Variants in TIAM2 observed in about 807,000 individuals in gnomAD.
TIAM2 encodes the protein TIAM Rac1 associated GEF 2, also known as rho guanine nucleotide exchange factor TIAM2.
Under a neutral mutation model 152.9 loss-of-function variants are expected in TIAM2, and 80 were observed. That is an observed-to-expected ratio of 0.52 (90% CI 0.44 to 0.63). The LOEUF (loss-of-function observed/expected upper bound fraction) is 0.63. Among genes scored for constraint, TIAM2 ranks in the 30% least tolerant of loss-of-function variants. The pLI is 0.00. For synonymous variants in TIAM2, 804 were observed against 838.0 expected, an observed-to-expected ratio of 0.96 and a Z score of 0.70; for missense variants, 1,965 against 2,120.1, an observed-to-expected ratio of 0.93 and a Z score of 1.44.
intron 1 of TIAM2, among the ~76,000 whole-genome samples, chr6:155,066,222 TGG>T: frequency 2.5e-5 from 1 of 40,492 alleles, no homozygotes; most frequent in Non-Finnish European, 6.3e-5. Flanking sequence ...CCACCGTGCC[TGG>T]CCCAGACATT....
At chr6:155,095,271 A>G (rs1469575466) in intron 2 of TIAM2, among the ~76,000 whole-genome samples, 1 of 152,176 alleles carries the variant, frequency 6.6e-6, no homozygotes, top group African/African-American at 2.4e-5. Flanking sequence ...TTGAAGTTTT[A>G]GGACTCTGTT....
rs73002978 is a variant in TIAM2 at position 155,085,750 on chromosome 6, C to A, written c.-208-4539C>A. On this transcript the variant is annotated intron_variant, in intron 1 of 26. Transcript: ENST00000682666. ...ACACTGATGTCATGGTGCAAACAGG[C>A]AGCTCCAAGGCTGCGGGACTGGCTG... 3.3e-3 allele frequency among the ~76,000 whole-genome samples: 500 copies of A among 152,328 alleles called. 3 individuals carry two copies. Among genetic ancestry groups the A allele is most frequent in the Non-Finnish European group, 5.3e-3 (362 of 68,032 alleles).
chr6:155,025,727 T>G (rs943781333), intron 1 of TIAM2, among the ~76,000 whole-genome samples: 1 of 151,918 alleles, frequency 6.6e-6, no homozygotes, highest in Non-Finnish European at 1.5e-5. Flanking sequence ...ACGGCTGAGG[T>G]TTGGGTAGTA....
At chr6:155,095,057 C>T (rs1483344935) in intron 2 of TIAM2, among the ~76,000 whole-genome samples, 3 of 152,118 alleles carry the variant, frequency 2.0e-5, no homozygotes, top group Non-Finnish European at 4.4e-5. Flanking sequence ...CTAACATCCA[C>T]TGTGGCCTCC....
In TIAM2 at chr6:155,129,401, C is replaced by G; in HGVS notation, c.178C>G (p.Leu60Val). ...CGGAGCAGGTTACAAGTCCAGGTCC[C>G]TGGCCCGAAGCTGCCTTTCTCACTT... The part of the protein sequence containing the change: ...SNGAGYKSRS[L>V]ARSCLSHFKS... The change falls in exon 4 of 27, where the codon CTG (leucine) becomes GTG (valine). Residue 60 changes from leucine to valine, a missense_variant. By Grantham distance (32) the Leu-to-Val change is conservative (BLOSUM62 1). Around this residue, in one of 3 missense-constraint regions of TIAM2, gnomAD observed 1,025 missense variants for 1,119.4 expected, o/e 0.92. Transcript: ENST00000682666. The surrounding 1 kb of genome is among the most constrained non-coding windows in gnomAD (Gnocchi z 4.8). 1 of 1,614,116 alleles carries G rather than the reference C, an allele frequency of 6.2e-7. No homozygotes were observed. The highest frequency in any genetic ancestry group is 8.5e-7 in the Non-Finnish European group (1 of 1,180,010).
intron 2 of TIAM2, among the ~76,000 whole-genome samples, chr6:155,127,138 C>T (rs183264179): frequency 2.0e-5 from 3 of 152,336 alleles, no homozygotes; most frequent in Non-Finnish European, 4.4e-5. Flanking sequence ...GGCCACCTCT[C>T]GTCACACAGC....
At chr6:155,157,491 G>A (rs1047962883) in intron 7 of TIAM2, among the ~76,000 whole-genome samples, 73 of 149,876 alleles carry the variant, frequency 4.9e-4, no homozygotes, top group African/African-American at 1.8e-3. Context: ...TTAAAAAATA[G>A]AGACGAGGTC....
intron 1 of TIAM2, among the ~76,000 whole-genome samples, chr6:155,053,700 A>C (rs1583169590): frequency 6.6e-6 from 1 of 151,952 alleles, no homozygotes; most frequent in Admixed American, 6.6e-5. Context: ...CGAACTCCTG[A>C]CCTCAAGTGA....
chr6:155,181,472 A>G (rs1780901381), intron 12 of TIAM2, among the ~76,000 whole-genome samples: 1 of 152,214 alleles, frequency 6.6e-6, no homozygotes, highest in Non-Finnish European at 1.5e-5. Context: ...TTGTGGTAAT[A>G]GACATATAAC....
At chr6:155,047,715 GAGAGAGAGAGC>G (rs1777224935) in intron 1 of TIAM2, among the ~76,000 whole-genome samples, 1 of 140,616 alleles carries the variant, frequency 7.1e-6, no homozygotes. Flanking sequence ...GCGAGAGAGA[GAGAGAGAGAGC>G]GAGAGAGAGA....
chr6:155,224,952 T>C (rs1405739729), intron 15 of TIAM2, among the ~76,000 whole-genome samples: 2 of 152,150 alleles, frequency 1.3e-5, no homozygotes, highest in Non-Finnish European at 2.9e-5. Flanking sequence ...GGATTTTCTA[T>C]TTATTTGTTT....
Position 155,254,045 on chromosome 6 carries a change from T to G in TIAM2, c.4298T>G (p.Phe1433Cys). ...ATAGAAGGACGGCCAGAAACCATCT[T>G]TCAGTTGTGTTGCAGGTATGACTGA... ...SEIEGRPETI[F>C]QLCCSDSESK... The change falls in exon 25 of 27, where the codon TTT becomes TGT. Residue 1433 changes from phenylalanine (F) to cysteine (C), a missense_variant. Around this residue, in one of 3 missense-constraint regions of TIAM2, gnomAD observed 935 missense variants for 980.0 expected, o/e 0.95. Coordinates refer to ENST00000682666, the MANE Select transcript of TIAM2 (RefSeq NM_012454.4). 6.2e-7 allele frequency: 1 copy of G among 1,614,104 alleles called. No homozygotes were observed.
chr6:155,195,760 G>A (rs1781328301), intron 14 of TIAM2, among the ~76,000 whole-genome samples: 1 of 152,226 alleles, frequency 6.6e-6, no homozygotes, highest in Non-Finnish European at 1.5e-5. Flanking sequence ...TAGGAGCACA[G>A]GCTTGTGGGA....
rs758068877 is a variant in TIAM2 at position 155,129,915 on chromosome 6, C to T, written c.692C>T (p.Thr231Met). 1.4e-5 allele frequency: 23 copies of T among 1,613,840 alleles called. No homozygotes were observed. The highest frequency in any genetic ancestry group is 1.3e-5 in the Non-Finnish European group (15 of 1,180,040). Residue 231 changes from threonine to methionine, a missense_variant, in exon 4 of 27, where the codon ACG becomes ATG. Physicochemically the swap from Thr to Met is moderately conservative, Grantham distance 81. This residue lies in a region of TIAM2 where 1,025 missense variants were observed against 1,119.4 expected (regional missense o/e 0.92). Coordinates refer to ENST00000682666, the MANE Select transcript of TIAM2 (RefSeq NM_012454.4). This position sits in a 1 kb window ranked among gnomAD's most constrained non-coding sequence, Gnocchi z 4.8. Reference sequence around the variant, plus strand: ...CTGCCCAGCCATCGCCCCTCTCCCACGGACTCTCGCCTGCGGTCCAGCAAA... The same window carrying T: ...CTGCCCAGCCATCGCCCCTCTCCCATGGACTCTCGCCTGCGGTCCAGCAAA... Reference protein sequence around the residue: ...DSLPSHRPSPTDSRLRSSKGS... With the variant: ...DSLPSHRPSPMDSRLRSSKGS...
At position 155,080,042 on chromosome 6, in the gene TIAM2, T is replaced by C. The variant is rs147571349; in HGVS notation, c.-208-10247T>C. Among the ~76,000 whole-genome samples the C allele has an allele frequency of 1.4e-4, 22 of 152,312 alleles. No individual in the cohort carries two copies. The East Asian group carries it at 4.1e-3, about 28-fold the overall frequency. On this transcript the variant is annotated intron_variant, in intron 1 of 26. Transcript: ENST00000682666. ...GATGGTAAAATGAAACAGGAACAGC[T>C]CTCTGACCCCTGGAAACTCTCATGT... is the stretch of plus-strand genomic sequence containing the variant.
chr6:155,167,324 C>A (rs1780469136), intron 9 of TIAM2, among the ~76,000 whole-genome samples: 1 of 152,086 alleles, frequency 6.6e-6, no homozygotes, highest in East Asian at 1.9e-4. Context: ...TGGGTTCAAG[C>A]AATTCTCGTG....
chr6:155,161,639 C>G (rs1780273976), intron 7 of TIAM2, among the ~76,000 whole-genome samples: 1 of 151,040 alleles, frequency 6.6e-6, no homozygotes, highest in Admixed American at 6.6e-5. Context: ...GCGATCTCAG[C>G]TCACTGCAGC....
chr6:155,250,396 G>T, intron 21 of TIAM2: 2 of 516,246 alleles, frequency 3.9e-6, no homozygotes, highest in Non-Finnish European at 6.3e-6. Flanking sequence ...CTTTTTATCT[G>T]ATTGCTTAAT....
At chr6:155,243,846 C>CAAAAAAAAAAAAAAAAA (rs59365890) in intron 16 of TIAM2, among the ~76,000 whole-genome samples, 165 bp from the exon 17 acceptor site, 5 of 55,050 alleles carry the variant, frequency 9.1e-5, no homozygotes, top group African/African-American at 4.0e-4. Flanking sequence ...GACTCCGTCT[C>CAAAAAAAAAAAAAAAAA]AAAAAAAAAA....
Sources: allele counts gnomAD v4.1 joint callset (sites outside exome capture counted in the v4.1 genomes callset), GRCh38; gene constraint gnomAD v4.1.1; regional missense constraint gnomAD v4.1.1; non-coding constraint Gnocchi (gnomAD v3.1); transcripts MANE v1.5; gene names NCBI Gene and HGNC (gene_info 2026-07-23, HGNC 2026-07-21).